Variants in SSBP3 observed in about 807,000 individuals in gnomAD.
SSBP3 encodes the protein single-stranded DNA-binding protein 3.
A neutral mutation model predicts 69.6 loss-of-function variants in SSBP3; 5 were observed. The ratio of observed to expected loss-of-function variants is 0.07; its 90% CI spans 0.04 to 0.15. The LOEUF (loss-of-function observed/expected upper bound fraction) is 0.15. SSBP3 is among the 10% of genes least tolerant of loss of function. The probability of loss-of-function intolerance (pLI) is 1.00; values close to 1 mark genes in which losing one functional copy is unlikely to be tolerated. For synonymous variants in SSBP3, 196 were observed against 193.4 expected, an observed-to-expected ratio of 1.01 and a Z score of -0.11; for missense variants, 312 against 534.0, an observed-to-expected ratio of 0.58 and a Z score of 4.10.
At chr1:54,358,197 CA>C (rs1196326348) in intron 4 of SSBP3, among the ~76,000 whole-genome samples, 2 of 152,190 alleles carry the variant, frequency 1.3e-5, no homozygotes, top group Non-Finnish European at 2.9e-5. Context: ...ACTGCACATA[CA>C]AAATGAAGAC....
chr1:54,240,085 TGTGCGCGCGCGCGCGTGTGCGTGCGCGC>T (rs1398001611), intron 13 of SSBP3, among the ~76,000 whole-genome samples: 12 of 38,536 alleles, frequency 3.1e-4, no homozygotes, highest in South Asian at 2.4e-3. Flanking sequence ...TGTGTGTGTG[TGTGCGCGCGCGCGCGTGTGCGTGCGCGC>T]GCGCGCGCAA....
intron 14 of SSBP3, among the ~76,000 whole-genome samples, chr1:54,235,027 G>C (rs1010252552): frequency 6.6e-6 from 1 of 152,156 alleles, no homozygotes; most frequent in Non-Finnish European, 1.5e-5. Flanking sequence ...ATGTTACACT[G>C]ACTCCTAGTG....
intron 5 of SSBP3, among the ~76,000 whole-genome samples, chr1:54,275,862 G>A (rs894365514): frequency 6.6e-6 from 1 of 152,218 alleles, no homozygotes; most frequent in Non-Finnish European, 1.5e-5. Flanking sequence ...GCCCTCAGGA[G>A]GCTGCCCTTC....
chr1:54,244,513 T>G (rs1363586191), intron 9 of SSBP3, among the ~76,000 whole-genome samples: 1 of 152,108 alleles, frequency 6.6e-6, no homozygotes, highest in African/African-American at 2.4e-5. Flanking sequence ...TCCGAAAGTA[T>G]CAGGATTACA....
At chr1:54,384,671 T>C (rs970982520) in intron 4 of SSBP3, among the ~76,000 whole-genome samples, 6 of 152,276 alleles carry the variant, frequency 3.9e-5, no homozygotes, top group Non-Finnish European at 5.9e-5. Flanking sequence ...GGCAGAGAGC[T>C]GGCCCTTCTC....
intron 4 of SSBP3, among the ~76,000 whole-genome samples, chr1:54,336,744 G>T (rs908509500): frequency 6.6e-6 from 1 of 152,188 alleles, no homozygotes; most frequent in African/African-American, 2.4e-5. Context: ...GGGCTTTGGC[G>T]TGCTGCAGCA....
chr1:54,300,098 G>A (rs936286581), intron 4 of SSBP3, among the ~76,000 whole-genome samples: 7 of 152,150 alleles, frequency 4.6e-5, no homozygotes, highest in Admixed American at 3.3e-4. Flanking sequence ...ATGGAAGGCC[G>A]AGAGAGGGTA....
At chr1:54,354,395 G>T (rs147422750) in intron 4 of SSBP3, among the ~76,000 whole-genome samples, 104 of 152,282 alleles carry the variant, frequency 6.8e-4, no homozygotes, top group African/African-American at 2.1e-3. Flanking sequence ...GGACTCTGAG[G>T]GTCACCCCAC....
intron 14 of SSBP3, among the ~76,000 whole-genome samples, chr1:54,234,671 C>A (rs1055750298): frequency 6.6e-6 from 1 of 152,042 alleles, no homozygotes; most frequent in African/African-American, 2.4e-5. Flanking sequence ...TTCTTTCTGC[C>A]CTAGGATACA....
chr1:54,239,946 T>G (rs1644576080), intron 13 of SSBP3, among the ~76,000 whole-genome samples: 1 of 152,136 alleles, frequency 6.6e-6, no homozygotes, highest in Admixed American at 6.5e-5. Flanking sequence ...TCCAGCTACC[T>G]CTCACTTTTT....
At chr1:54,248,847 G>T (rs1644776783) in intron 9 of SSBP3, among the ~76,000 whole-genome samples, 1 of 152,208 alleles carries the variant, frequency 6.6e-6, no homozygotes, top group South Asian at 2.1e-4. Flanking sequence ...CATGGGTGAA[G>T]CACTTTAGGG....
chr1:54,405,080 G>C (rs1030631030), intron 1 of SSBP3, 150 bp from the exon 2 acceptor site: 2 of 705,792 alleles, frequency 2.8e-6, no homozygotes, highest in African/African-American at 3.5e-5. Context: ...ACCCCAAACA[G>C]GGCCGCCAGG....
chr1:54,248,188 T>C (rs1644766085), intron 9 of SSBP3, among the ~76,000 whole-genome samples: 1 of 152,244 alleles, frequency 6.6e-6, no homozygotes, highest in South Asian at 2.1e-4. Flanking sequence ...CACATGCCGA[T>C]GGTCTCCCAC....
intron 5 of SSBP3, among the ~76,000 whole-genome samples, chr1:54,280,643 G>A (rs1291326580): frequency 6.6e-6 from 1 of 151,884 alleles, no homozygotes; most frequent in Non-Finnish European, 1.5e-5. Flanking sequence ...CCTGCACGCT[G>A]TACCTCTCTA....
At chr1:54,365,687 C>T (rs1647020110) in intron 4 of SSBP3, among the ~76,000 whole-genome samples, 1 of 152,190 alleles carries the variant, frequency 6.6e-6, no homozygotes, top group Admixed American at 6.5e-5. Flanking sequence ...CCGTCATGAA[C>T]GGCCATACCC....
chr1:54,240,108 G>A (rs1161500646), intron 13 of SSBP3, among the ~76,000 whole-genome samples: 4 of 5,050 alleles, frequency 7.9e-4, no homozygotes, highest in South Asian at 0.012. Flanking sequence ...GCGTGTGCGT[G>A]CGCGCGCGCG....
At chr1:54,248,451 G>C (rs1464326909) in intron 9 of SSBP3, among the ~76,000 whole-genome samples, 1 of 152,220 alleles carries the variant, frequency 6.6e-6, no homozygotes, top group Non-Finnish European at 1.5e-5. Context: ...TTTTGCAGAT[G>C]ACAGACTGGA....
chr1:54,273,291 A>G, intron 5 of SSBP3, among the ~76,000 whole-genome samples: 1 of 152,244 alleles, frequency 6.6e-6, no homozygotes, highest in East Asian at 1.9e-4. Context: ...AGGCGGCTCA[A>G]GTGTGCAGAC....
In SSBP3 at chr1:54,258,803, G is replaced by A. The variant is rs1644968391; in HGVS notation, c.367-654C>T. On this transcript the variant is annotated intron_variant, in intron 5 of 17. Transcript: ENST00000610401. This position sits in a 1 kb window ranked among gnomAD's most constrained non-coding sequence, Gnocchi z 4.5. ...GGACAGTGAGTGAGGGCCACACGGT[G>A]TGGGCAGCACAGACTCGCACACCGT... Among the ~76,000 whole-genome samples, 2 of 152,222 alleles carry A rather than the reference G, an allele frequency of 1.3e-5. No homozygotes were observed. Among genetic ancestry groups the A allele is most frequent in the Admixed American group, 1.3e-4 (2 of 15,286 alleles).
Sources: gnomAD v4.1 joint callset for allele counts (sites outside exome capture counted in the v4.1 genomes callset) on GRCh38, gnomAD v4.1.1 for gene constraint, Gnocchi (gnomAD v3.1) non-coding constraint, MANE v1.5 for transcripts, NCBI Gene and HGNC (gene_info 2026-07-23, HGNC 2026-07-21) for gene names.